Variants in PAK1 observed in about 807,000 individuals in gnomAD.
PAK1 encodes serine/threonine-protein kinase PAK 1.
Under a neutral mutation model 67.4 loss-of-function variants are expected in PAK1, and 29 were observed. The ratio of observed to expected loss-of-function variants is 0.43; its 90% CI spans 0.32 to 0.59. The LOEUF is 0.59. Ranked by LOEUF, PAK1 falls within the 20% of genes least tolerant of loss-of-function variation. The pLI is 0.07. For missense variants in PAK1, 337 were observed against 670.7 expected (o/e 0.50, Z 5.50); for synonymous variants, 223 against 237.4 (o/e 0.94, Z 0.56).
chr11:77,417,131 C>T (rs999198531), intron 1 of PAK1, among the ~76,000 whole-genome samples: 10 of 152,118 alleles, frequency 6.6e-5, no homozygotes, highest in Middle Eastern at 3.2e-3. Context: ...TATAGTATTC[C>T]TAGGTATTTA....
chr11:77,444,331 C>G (rs1001478465), intron 1 of PAK1, among the ~76,000 whole-genome samples: 8 of 151,050 alleles, frequency 5.3e-5, no homozygotes, highest in African/African-American at 1.9e-4. Flanking sequence ...CCATACCAAC[C>G]ACCATCCCCC....
At chr11:77,403,410 T>C (rs1360389436) in intron 1 of PAK1, among the ~76,000 whole-genome samples, 3 of 152,208 alleles carry the variant, frequency 2.0e-5, no homozygotes. Context: ...AATACTCTCA[T>C]GATTACACCC....
chr11:77,477,314 T>G (rs1261392847), upstream of PAK1, among the ~76,000 whole-genome samples: 6 of 152,222 alleles, frequency 3.9e-5, no homozygotes, highest in African/African-American at 1.4e-4. Flanking sequence ...AAATAAGAGT[T>G]GAGTTCCTGT....
the PAK1 span, among the ~76,000 whole-genome samples, chr11:77,521,598 G>A: frequency 2.0e-5 from 3 of 152,100 alleles, no homozygotes. Context: ...ATGTTAAGGT[G>A]CAGCTGTGGA....
chr11:77,450,674 G>GA (rs1358987631), intron 1 of PAK1, among the ~76,000 whole-genome samples: 2 of 152,176 alleles, frequency 1.3e-5, no homozygotes, highest in Non-Finnish European at 2.9e-5. Flanking sequence ...GTCAGGTGTT[G>GA]AAACAGCAGA....
upstream of PAK1, chr11:77,474,229 CTG>C (rs1958014797): frequency 1.3e-5 from 2 of 151,798 alleles, no homozygotes; most frequent in African/African-American, 4.8e-5. Flanking sequence ...GCGGCGGCGG[CTG>C]CGGCTCCGGT....
At position 77,426,078 on chromosome 11, in the gene PAK1, CTTTTT is replaced by C. The variant is rs35602138; in HGVS notation, c.-21-33542_-21-33538del. On this transcript the variant is annotated intron_variant, in intron 1 of 14. Transcript: ENST00000356341. ...TTCTTGACTTTTCAATTGAAGGCCT[CTTTTT>C]TTTTTTTTTTTTTTTTTTACACCAC... Among the ~76,000 whole-genome samples the C allele has an allele frequency of 6.8e-5, 8 of 117,214 alleles. No homozygotes were observed. In the South Asian group the frequency reaches 1.4e-3, roughly 20 times the overall value. 76.9% of individuals were successfully genotyped at this position (117,214 alleles called of 152,430 possible).
chr11:77,523,527 T>C, the PAK1 span, among the ~76,000 whole-genome samples: 7 of 151,866 alleles, frequency 4.6e-5, no homozygotes, highest in Non-Finnish European at 1.0e-4. Flanking sequence ...TCAAGCGATT[T>C]TCCTGCCTCA....
At chr11:77,403,320 T>G (rs1436238246) in intron 1 of PAK1, among the ~76,000 whole-genome samples, 1 of 152,212 alleles carries the variant, frequency 6.6e-6, no homozygotes, top group Non-Finnish European at 1.5e-5. Flanking sequence ...GTCATCATTC[T>G]AGGTGACTTC....
At chr11:77,435,657 C>CTTTTTTTT (rs35603502) in intron 1 of PAK1, among the ~76,000 whole-genome samples, 261 of 68,616 alleles carry the variant, frequency 3.8e-3, no homozygotes, top group East Asian at 0.011. Context: ...CTACACCTGG[C>CTTTTTTTT]TTTTTTTTTT....
intron 1 of PAK1, among the ~76,000 whole-genome samples, chr11:77,424,319 A>G (rs1489252209): frequency 2.0e-5 from 3 of 152,224 alleles, no homozygotes; most frequent in Non-Finnish European, 4.4e-5. Context: ...GTCTGGGCAT[A>G]TCGGATTGGT....
intron 1 of PAK1, among the ~76,000 whole-genome samples, chr11:77,396,542 T>G (rs1004294454): frequency 3.3e-5 from 5 of 152,238 alleles, no homozygotes; most frequent in African/African-American, 9.6e-5. Flanking sequence ...AATAAAGATT[T>G]GTTGAATAAA....
intron 2 of PAK1, among the ~76,000 whole-genome samples, chr11:77,384,305 G>A (rs1384438765): frequency 6.6e-6 from 1 of 152,136 alleles, no homozygotes; most frequent in Non-Finnish European, 1.5e-5. Context: ...ACACAATGGA[G>A]AAAATAAAGC....
intron 1 of PAK1, among the ~76,000 whole-genome samples, chr11:77,443,977 T>C (rs1385940263): frequency 6.6e-6 from 1 of 152,186 alleles, no homozygotes; most frequent in East Asian, 1.9e-4. Context: ...AATATTTTAT[T>C]GTCACAGCAA....
At chr11:77,432,916 A>G (rs942827337) in intron 1 of PAK1, among the ~76,000 whole-genome samples, 4 of 152,188 alleles carry the variant, frequency 2.6e-5, no homozygotes, top group Non-Finnish European at 5.9e-5. Flanking sequence ...AAAACAAAGA[A>G]GACTAATACT....
chr11:77,383,711 G>A (rs184937411), intron 2 of PAK1, among the ~76,000 whole-genome samples: 1 of 152,140 alleles, frequency 6.6e-6, no homozygotes, highest in African/African-American at 2.4e-5. Context: ...ATACAGGAGA[G>A]AAATGGAGAA....
chr11:77,497,313 A>G, the PAK1 span, among the ~76,000 whole-genome samples: 2 of 152,216 alleles, frequency 1.3e-5, no homozygotes, highest in African/African-American at 4.8e-5. Context: ...TCACATCTGA[A>G]ATAATAATTT....
At chr11:77,514,301 C>T in the PAK1 span, among the ~76,000 whole-genome samples, 1 of 152,106 alleles carries the variant, frequency 6.6e-6, no homozygotes, top group African/African-American at 2.4e-5. Flanking sequence ...CAAGACCAGC[C>T]TGGCCAACAT....
At chr11:77,351,249 A>C (rs1430301235) in intron 8 of PAK1, among the ~76,000 whole-genome samples, 1 of 152,118 alleles carries the variant, frequency 6.6e-6, no homozygotes, top group African/African-American at 2.4e-5. Context: ...CTGTCAAGTA[A>C]GCAAGGAAAG....
Sources: gnomAD v4.1 joint callset for allele counts (sites outside exome capture counted in the v4.1 genomes callset) on GRCh38, gnomAD v4.1.1 for gene constraint, MANE v1.5 for transcripts, NCBI Gene and HGNC (gene_info 2026-07-23, HGNC 2026-07-21) for gene names.